The following KIF13B variants were observed in gnomAD, a reference collection of about 807,000 sequenced individuals.
KIF13B encodes kinesin family member 13B, also known as kinesin-like protein KIF13B.
A neutral mutation model predicts 222.0 loss-of-function variants in KIF13B; 127 were observed. The observed-to-expected ratio is 0.57, with a 90% confidence interval of 0.50 to 0.66. The LOEUF (loss-of-function observed/expected upper bound fraction) is 0.66, where lower values mean the gene tolerates loss of function less well. Among genes scored for constraint, KIF13B ranks in the 30% least tolerant of loss-of-function variants. The pLI is 0.00. For synonymous variants in KIF13B, 976 were observed against 919.0 expected, an observed-to-expected ratio of 1.06 and a Z score of -1.12; for missense variants, 2,173 against 2,379.0, an observed-to-expected ratio of 0.91 and a Z score of 1.80.
Position 29,195,726 on chromosome 8 carries a change from A to T in KIF13B, c.162+461T>A, listed in dbSNP as rs920965279. Among the ~76,000 whole-genome samples the T allele has an allele frequency of 3.3e-5, 5 of 152,246 alleles. No individual in the cohort carries two copies. In the East Asian group the frequency reaches 9.6e-4, roughly 29 times the overall value. On this transcript the variant is annotated intron_variant, in intron 3 of 39. Coordinates refer to ENST00000524189, the MANE Select transcript of KIF13B (RefSeq NM_015254.4). ...CTGTGCAGGCTTCTGTTGGCCAGGA[A>T]TGCACCCCCAGCTGTCTCGGGAGTG...
In KIF13B at chr8:29,245,418, C is replaced by T. The variant is rs1212869754; in HGVS notation, c.77G>A (p.Cys26Tyr). Residue 26 changes from cysteine to tyrosine, a missense_variant, in exon 2 of 40, where the codon TGT becomes TAT. By Grantham distance (194) the Cys-to-Tyr change is radical. Transcript: ENST00000524189. ...NRRETDLHTKCVVDVDANKVI... is the reference protein window; with the variant it reads ...NRRETDLHTKYVVDVDANKVI... Reference sequence around the variant, plus strand: ...CTTGTTTGCATCCACATCCACCACACATTTGGTATGCAAGTCAGTCTCTGT... The same window carrying T: ...CTTGTTTGCATCCACATCCACCACATATTTGGTATGCAAGTCAGTCTCTGT... 7 of 1,599,846 alleles carry T rather than the reference C, an allele frequency of 4.4e-6. No individual in the cohort carries two copies. The South Asian group carries it at 4.5e-5, about 10-fold the overall frequency.
intron 27 of KIF13B, 113 bp from the exon 28 acceptor site, chr8:29,123,605 C>T: frequency 7.2e-7 from 1 of 1,390,142 alleles, no homozygotes; most frequent in African/African-American, 1.4e-5. Flanking sequence ...ACAAGTGCTC[C>T]CCAGTGATAA....
At chr8:29,249,206 T>C (rs961942036) in intron 1 of KIF13B, among the ~76,000 whole-genome samples, 4 of 151,982 alleles carry the variant, frequency 2.6e-5, no homozygotes, top group African/African-American at 7.3e-5. Flanking sequence ...GAAGGGTGGA[T>C]CACTTGAGAT....
intron 14 of KIF13B, among the ~76,000 whole-genome samples, chr8:29,153,054 T>C (rs962032991): frequency 6.6e-6 from 1 of 152,200 alleles, no homozygotes; most frequent in Non-Finnish European, 1.5e-5. Context: ...CTCCAACGTA[T>C]GCCTGTATAA....
At chr8:29,203,892 CAAAAAAA>C in intron 2 of KIF13B, among the ~76,000 whole-genome samples, 1 of 66,182 alleles carries the variant, frequency 1.5e-5, no homozygotes, top group African/African-American at 6.5e-5. Flanking sequence ...AGTTCCGTCT[CAAAAAAA>C]AAAAAAAAAA....
intron 2 of KIF13B, among the ~76,000 whole-genome samples, chr8:29,231,207 T>G (rs1186659210): frequency 6.6e-6 from 1 of 152,132 alleles, no homozygotes; most frequent in Non-Finnish European, 1.5e-5. Flanking sequence ...CCAGTCTCTG[T>G]CCCCCATCCT....
chr8:29,127,261 G>A lies in KIF13B; in HGVS notation c.3083C>T (p.Ser1028Phe). 1 of 1,613,614 alleles carries A rather than the reference G, an allele frequency of 6.2e-7. No homozygotes were observed. The stretch of plus-strand genomic sequence containing the variant: ...CTTCACTTCGACTTGAACTCTCCGG[G>A]ACTGCCCCTGGGTCACAGACAATTT... The part of the protein sequence containing the change: ...GGIFQLRQGQ[S>F]RRVQVEVKSV... Residue 1028 changes from serine (S) to phenylalanine (F), a missense_variant, in exon 25 of 40, where the codon TCC (serine) becomes TTC (phenylalanine). Ser to Phe is a radical substitution (Grantham distance 155). Coordinates refer to ENST00000524189, the MANE Select transcript of KIF13B (RefSeq NM_015254.4).
At chr8:29,085,573 T>C (rs2133521047) in intron 37 of KIF13B, among the ~76,000 whole-genome samples, 1 of 152,076 alleles carries the variant, frequency 6.6e-6, no homozygotes, top group South Asian at 2.1e-4. Flanking sequence ...GGTCTTGTTA[T>C]GTTGCCCAGG....
chr8:29,197,788 G>A (rs1392337113), intron 2 of KIF13B, among the ~76,000 whole-genome samples: 3 of 152,126 alleles, frequency 2.0e-5, no homozygotes, highest in African/African-American at 2.4e-5. Flanking sequence ...AACTAAGTCC[G>A]GTTGGACAAG....
Position 29,217,827 on chromosome 8 carries a change from T to C in KIF13B, c.150-21628A>G, listed in dbSNP as rs115811627. Among the ~76,000 whole-genome samples the C allele has an allele frequency of 6.3e-3, 965 of 152,252 alleles. 13 individuals carry two copies. The highest frequency in any genetic ancestry group is 0.021 in the African/African-American group (893 of 41,540). On this transcript the variant is annotated intron_variant, in intron 2 of 39. Coordinates refer to ENST00000524189, the MANE Select transcript of KIF13B (RefSeq NM_015254.4). ...CCACCAACTAGAAATTAATTTGCAA[T>C]GTCATGGTTTTTTCCAGTGTGGGGG...
chr8:29,148,968 T>C (rs1301859672), intron 15 of KIF13B, among the ~76,000 whole-genome samples: 1 of 152,166 alleles, frequency 6.6e-6, no homozygotes, highest in Non-Finnish European at 1.5e-5. Flanking sequence ...AGTATGACAC[T>C]AGGCCACACG....
In KIF13B at chr8:29,249,434, A is replaced by T. The variant is rs974195187; in HGVS notation, c.56-3995T>A. Among the ~76,000 whole-genome samples the T allele has an allele frequency of 4.4e-4, 65 of 148,584 alleles. 1 individual carries two copies. The highest frequency in any genetic ancestry group is 1.6e-3 in the East Asian group (8 of 5,022). ...GACAGAGCAAGACTCCGTCTTTAAA[A>T]AAAAAAAAAAAAAAAAAAAGATAAG... On this transcript the variant is annotated intron_variant, in intron 1 of 39. Coordinates refer to ENST00000524189, the MANE Select transcript of KIF13B (RefSeq NM_015254.4).
intron 4 of KIF13B, chr8:29,190,293 A>C (rs4732666): frequency 0.84 from 128,111 of 152,250 alleles, 54,598 homozygotes; most frequent in Non-Finnish European, 0.9. Flanking sequence ...ACTTTTTGTC[A>C]AATCACATTT....
intron 2 of KIF13B, among the ~76,000 whole-genome samples, chr8:29,243,763 T>C (rs1418714410): frequency 2.0e-5 from 3 of 152,216 alleles, no homozygotes; most frequent in Non-Finnish European, 4.4e-5. Context: ...ACTTATATTA[T>C]AAGGAATGTA....
chr8:29,157,066 A>G (rs1811566190), intron 13 of KIF13B, among the ~76,000 whole-genome samples: 1 of 151,986 alleles, frequency 6.6e-6, no homozygotes, highest in South Asian at 2.1e-4. Flanking sequence ...CCCCATGTCA[A>G]TCAGGGAAAA....
chr8:29,121,773 T>A (rs1586807123), intron 29 of KIF13B, among the ~76,000 whole-genome samples: 2 of 147,512 alleles, frequency 1.4e-5, no homozygotes, highest in Non-Finnish European at 3.0e-5. Flanking sequence ...ACAGGCAACC[T>A]ACAACATGGG....
intron 2 of KIF13B, among the ~76,000 whole-genome samples, chr8:29,227,953 AT>A (rs201814072): frequency 4.0e-5 from 6 of 151,676 alleles, no homozygotes; most frequent in Non-Finnish European, 5.9e-5. Flanking sequence ...TTTAAAAAAA[AT>A]TTTTTTTAAG....
intron 2 of KIF13B, among the ~76,000 whole-genome samples, chr8:29,244,260 A>G (rs985510956): frequency 1.1e-4 from 17 of 152,234 alleles, no homozygotes; most frequent in Non-Finnish European, 1.2e-4. Flanking sequence ...TGATCTGCCC[A>G]CCTTGGCCTC....
At chr8:29,262,847 C>A (rs966807098) in intron 1 of KIF13B, 133 bp downstream of exon 1, 10 of 622,028 alleles carry the variant, frequency 1.6e-5, no homozygotes, top group African/African-American at 1.6e-4. Flanking sequence ...GTTTCAGGGT[C>A]CCCGGGCCCC....
Sources: gnomAD v4.1 joint callset for allele counts (sites outside exome capture counted in the v4.1 genomes callset) on GRCh38, gnomAD v4.1.1 for gene constraint, MANE v1.5 for transcripts, NCBI Gene and HGNC (gene_info 2026-07-23, HGNC 2026-07-21) for gene names.